Variants in KCNIP4 observed in about 807,000 individuals in gnomAD.
KCNIP4 encodes Kv channel-interacting protein 4.
KCNIP4 carries 12 observed loss-of-function variants against 34.0 expected under a neutral mutation model. That is an observed-to-expected ratio of 0.35 (90% confidence interval 0.23 to 0.57). The LOEUF (loss-of-function observed/expected upper bound fraction) is 0.57, where lower values mean the gene tolerates loss of function less well. KCNIP4 is among the 20% of genes least tolerant of loss of function. KCNIP4 has a pLI of 0.83. For missense variants in KCNIP4, 238 were observed against 311.7 expected (o/e 0.76, Z 1.78); for synonymous variants, 124 against 102.2 (o/e 1.21, Z -1.29).
Position 21,323,064 on chromosome 4 carries a change from G to A in KCNIP4, c.62-440355C>T, listed in dbSNP as rs1039583063. 1.1e-4 allele frequency among the ~76,000 whole-genome samples: 16 copies of A among 151,468 alleles called. No homozygotes were observed. In the East Asian group the frequency reaches 2.7e-3, roughly 26 times the overall value. ...TGACTTCTGGTGATGAATTGATGAA[G>A]TGTTGCCAAATTTTCATCAAATGTT... On this transcript the variant is annotated intron_variant, in intron 1 of 8. Transcript: ENST00000382152.
chr4:21,276,343 A>G (rs1560243246), intron 1 of KCNIP4, among the ~76,000 whole-genome samples: 2 of 148,550 alleles, frequency 1.3e-5, no homozygotes, highest in Non-Finnish European at 3.0e-5. Flanking sequence ...CAGTAGTCCT[A>G]GTAAACTGAG....
intron 1 of KCNIP4, among the ~76,000 whole-genome samples, chr4:21,307,369 C>CAG (rs1267610416): frequency 6.6e-6 from 1 of 152,156 alleles, no homozygotes; most frequent in Non-Finnish European, 1.5e-5. Flanking sequence ...ATTCCTATCA[C>CAG]AGAGAGGCCC....
rs542653833 is a variant in KCNIP4 at position 21,418,991 on chromosome 4, G to A, written c.61+529580C>T. Among the ~76,000 whole-genome samples, 23 of 152,326 alleles carry A rather than the reference G, an allele frequency of 1.5e-4. No individual in the cohort carries two copies. In the South Asian group the frequency reaches 4.8e-3, roughly 32 times the overall value. The stretch of plus-strand genomic sequence containing the variant: ...ACCAGTCAAGGAATAGAGAAAGTAT[G>A]TAATTCCTTCAGCCTCTAAGTGGAA... On this transcript the variant is annotated intron_variant, in intron 1 of 8. Coordinates refer to ENST00000382152, the MANE Select transcript of KCNIP4 (RefSeq NM_025221.6).
rs140464473 is a variant in KCNIP4, at chr4:21,566,443, G to C, written c.61+382128C>G. ...CGGTGAGTGAGTTCTCAGGAGATCT[G>C]GTTGTTTAAAAGTTTATAGCACCTC... On this transcript the variant is annotated intron_variant, in intron 1 of 8. Transcript: ENST00000382152. 3.9e-3 allele frequency among the ~76,000 whole-genome samples: 589 copies of C among 152,106 alleles called. 2 individuals carry two copies. Among genetic ancestry groups the C allele is most frequent in the African/African-American group, 0.013 (547 of 41,492 alleles).
chr4:21,398,751 CCT>C lies in KCNIP4; in HGVS notation c.62-516044_62-516043del, dbSNP rs1723226569. Among the ~76,000 whole-genome samples, 6 of 152,260 alleles carry C rather than the reference CCT, an allele frequency of 3.9e-5. No homozygotes were observed. In the South Asian group the frequency reaches 1.2e-3, roughly 32 times the overall value. On this transcript the variant is annotated intron_variant, in intron 1 of 8. Transcript: ENST00000382152. ...CAAACACAAAAAGCACACTGGAATT[CCT>C]CTCTCTCTTTCTTTCTTTCTCACTT... is the stretch of plus-strand genomic sequence containing the variant.
intron 1 of KCNIP4, among the ~76,000 whole-genome samples, chr4:21,665,076 G>T (rs978788818): frequency 2.0e-5 from 3 of 152,122 alleles, no homozygotes; most frequent in African/African-American, 7.2e-5. Context: ...AAAATAGGAC[G>T]TGAGGACCAG....
chr4:20,739,970 G>C (rs1320063716), intron 5 of KCNIP4, among the ~76,000 whole-genome samples: 3 of 152,148 alleles, frequency 2.0e-5, no homozygotes, highest in Non-Finnish European at 4.4e-5. Context: ...TAGCCATTTT[G>C]ATCAAGTGGA....
rs1171436191 is a variant in KCNIP4 at position 21,455,808 on chromosome 4, CATATATATATATATAT to C, written c.61+492747_61+492762del. Among the ~76,000 whole-genome samples the C allele has an allele frequency of 9.7e-4, 70 of 71,900 alleles. 5 individuals are homozygous for C. The highest frequency in any genetic ancestry group is 5.4e-3 in the Admixed American group (32 of 5,916). 47.2% of individuals were successfully genotyped at this position (71,900 alleles called of 152,430 possible). A position where few individuals can be genotyped will look rare whatever the true frequency, so the allele number is the denominator to read the frequency against. ...TTAATGTGATAGTCTTACAGATATT[CATATATATATATATAT>C]ATATATATATATATATATATATATA... On this transcript the variant is annotated intron_variant, in intron 1 of 8. Transcript: ENST00000382152.
chr4:20,774,469 G>T (rs554737602), intron 3 of KCNIP4, among the ~76,000 whole-genome samples: 1 of 152,108 alleles, frequency 6.6e-6, no homozygotes, highest in Non-Finnish European at 1.5e-5. Context: ...ATTAATGCAG[G>T]ACATGTTTTT....
chr4:21,762,613 C>T (rs1373776947), intron 1 of KCNIP4, among the ~76,000 whole-genome samples: 4 of 152,096 alleles, frequency 2.6e-5, no homozygotes, highest in Non-Finnish European at 4.4e-5. Flanking sequence ...TACTGTTCCT[C>T]ATCTGCAAAC....
intron 1 of KCNIP4, among the ~76,000 whole-genome samples, chr4:21,768,622 A>T (rs530947063): frequency 6.6e-6 from 1 of 152,122 alleles, no homozygotes; most frequent in Non-Finnish European, 1.5e-5. Context: ...ATCTATACAC[A>T]TCCACTCTTA....
intron 1 of KCNIP4, among the ~76,000 whole-genome samples, chr4:21,761,531 C>T (rs553955198): frequency 1.3e-5 from 2 of 151,618 alleles, no homozygotes; most frequent in African/African-American, 4.8e-5. Context: ...TTTTTTACAA[C>T]CATCTTATAA....
intron 2 of KCNIP4, among the ~76,000 whole-genome samples, chr4:20,853,969 C>T (rs952471327): frequency 1.3e-5 from 2 of 152,048 alleles, no homozygotes; most frequent in Non-Finnish European, 2.9e-5. Context: ...CCAACAATGG[C>T]CATAATCAAA....
At chr4:21,711,076 A>T (rs1713684079) in intron 1 of KCNIP4, among the ~76,000 whole-genome samples, 1 of 152,242 alleles carries the variant, frequency 6.6e-6, no homozygotes, top group East Asian at 1.9e-4. Flanking sequence ...TGTGATATGT[A>T]TGATCCTACT....
chr4:20,787,064 G>A (rs904588367), intron 3 of KCNIP4, among the ~76,000 whole-genome samples: 6 of 152,114 alleles, frequency 3.9e-5, no homozygotes, highest in African/African-American at 1.4e-4. Context: ...AACTCAACGT[G>A]GACAGTCTTG....
At chr4:21,588,539 T>A (rs1269311249) in intron 1 of KCNIP4, among the ~76,000 whole-genome samples, 1 of 151,956 alleles carries the variant, frequency 6.6e-6, no homozygotes, top group Non-Finnish European at 1.5e-5. Flanking sequence ...ACGCCCTACA[T>A]CAGGAAATGA....
intron 1 of KCNIP4, among the ~76,000 whole-genome samples, chr4:21,767,322 G>C (rs143832884): frequency 6.6e-6 from 1 of 152,012 alleles, no homozygotes; most frequent in Non-Finnish European, 1.5e-5. Flanking sequence ...TGGGGGTTCA[G>C]AGCAGGGTGG....
At chr4:21,452,026 G>C (rs186075470) in intron 1 of KCNIP4, among the ~76,000 whole-genome samples, 1 of 152,054 alleles carries the variant, frequency 6.6e-6, no homozygotes, top group African/African-American at 2.4e-5. Flanking sequence ...ATCAAATAAG[G>C]GTTCTGTTTC....
intron 1 of KCNIP4, among the ~76,000 whole-genome samples, chr4:21,461,562 G>C (rs1729467853): frequency 6.6e-6 from 1 of 151,810 alleles, no homozygotes; most frequent in African/African-American, 2.4e-5. Context: ...ACCTCCTCCA[G>C]GCAGATTTTA....
Sources: allele counts gnomAD v4.1 joint callset (sites outside exome capture counted in the v4.1 genomes callset), GRCh38; gene constraint gnomAD v4.1.1; transcripts MANE v1.5; gene names NCBI Gene and HGNC (gene_info 2026-07-23, HGNC 2026-07-21).